SLC1A3: variants seen among roughly 807,000 people sequenced by gnomAD.
SLC1A3 encodes solute carrier family 1 member 3.
In SLC1A3, 21 loss-of-function variants were observed where a neutral mutation model predicts 48.1. The ratio of observed to expected loss-of-function variants is 0.44; its 90% CI spans 0.31 to 0.63. SLC1A3 has a LOEUF of 0.63. Ranked by LOEUF, SLC1A3 falls within the 20% of genes least tolerant of loss-of-function variation. The pLI, the probability that SLC1A3 is intolerant of heterozygous loss-of-function variation, is 0.08. For synonymous variants in SLC1A3, 239 were observed against 251.4 expected (o/e 0.95, Z 0.47); for missense variants, 546 against 689.0 (o/e 0.79, Z 2.32).
At chr5:36,645,078 T>C (rs1740780919) in intron 3 of SLC1A3, among the ~76,000 whole-genome samples, 1 of 152,220 alleles carries the variant, frequency 6.6e-6, no homozygotes, top group Non-Finnish European at 1.5e-5. Flanking sequence ...AAGTTCTGTG[T>C]AGGTCTTTTA....
At chr5:36,621,009 G>C (rs559581865) in intron 2 of SLC1A3, among the ~76,000 whole-genome samples, 1 of 151,894 alleles carries the variant, frequency 6.6e-6, no homozygotes, top group East Asian at 1.9e-4. Context: ...AGGTTCAAGC[G>C]ATTCTCCTGC....
intron 3 of SLC1A3, among the ~76,000 whole-genome samples, chr5:36,634,620 C>A (rs529061855): frequency 6.7e-6 from 1 of 149,032 alleles, no homozygotes; most frequent in African/African-American, 2.5e-5. Context: ...TCTAACAATA[C>A]TTTTTTTTTT....
intron 3 of SLC1A3, among the ~76,000 whole-genome samples, chr5:36,663,363 G>A (rs954932296): frequency 2.1e-5 from 3 of 143,546 alleles, no homozygotes; most frequent in Non-Finnish European, 4.5e-5. Context: ...TTACAGGCAT[G>A]CTCCACCACG....
intron 3 of SLC1A3, among the ~76,000 whole-genome samples, chr5:36,634,074 G>A (rs967765613): frequency 3.3e-5 from 5 of 152,024 alleles, no homozygotes; most frequent in African/African-American, 7.3e-5. Flanking sequence ...TCACATGTTC[G>A]AGACCAGCCT....
At chr5:36,644,350 G>A (rs910646364) in intron 3 of SLC1A3, among the ~76,000 whole-genome samples, 8 of 152,166 alleles carry the variant, frequency 5.3e-5, no homozygotes, top group South Asian at 4.1e-4. Flanking sequence ...AAATTCAAAT[G>A]TTAAGTCTTT....
chr5:36,621,570 C>T (rs991396273), intron 2 of SLC1A3, among the ~76,000 whole-genome samples: 3 of 152,070 alleles, frequency 2.0e-5, no homozygotes, highest in African/African-American at 7.2e-5. Flanking sequence ...AAGACTACTG[C>T]AATAGTCCAG....
At position 36,610,323 on chromosome 5, in the gene SLC1A3, C is replaced by T. The variant is rs546298491; in HGVS notation, c.181+1719C>T. ...TTGTCATTTAACTGCATGATTTACC[C>T]GGTTACCTCAAAAGAAAACTTACAG... On this transcript the variant is annotated intron_variant, in intron 2 of 9. Coordinates refer to ENST00000265113, the MANE Select transcript of SLC1A3 (RefSeq NM_004172.5). 5.3e-5 allele frequency among the ~76,000 whole-genome samples: 8 copies of T among 152,274 alleles called. No individual in the cohort carries two copies. In the East Asian group the frequency reaches 5.8e-4, roughly 11 times the overall value.
intron 3 of SLC1A3, chr5:36,636,464 T>TTTC (rs1166523659): frequency 6.6e-4 from 3 of 4,576 alleles, no homozygotes; most frequent in African/African-American, 1.8e-3. Flanking sequence ...CTTTCTTTCT[T>TTTC]TTCTTTCTTT....
chr5:36,658,824 C>G lies in SLC1A3; in HGVS notation c.320-12205C>G, dbSNP rs562858310. Reference sequence around the variant, plus strand: ...AATTATCCATGGTTGAGGTTTTTTTCTTTCTTCTTTGACTTAAGACATCCA... The same window carrying G: ...AATTATCCATGGTTGAGGTTTTTTTGTTTCTTCTTTGACTTAAGACATCCA... On this transcript the variant is annotated intron_variant, in intron 3 of 9. Coordinates refer to ENST00000265113, the MANE Select transcript of SLC1A3 (RefSeq NM_004172.5). 7.2e-5 allele frequency among the ~76,000 whole-genome samples: 11 copies of G among 152,192 alleles called. No individual in the cohort carries two copies. The South Asian group carries it at 2.3e-3, about 32-fold the overall frequency.
At chr5:36,631,080 A>G (rs1473367400) in intron 3 of SLC1A3, among the ~76,000 whole-genome samples, 1 of 152,250 alleles carries the variant, frequency 6.6e-6, no homozygotes, top group African/African-American at 2.4e-5. Flanking sequence ...TTTCTGTGGT[A>G]GAGCAGAGTC....
intron 2 of SLC1A3, among the ~76,000 whole-genome samples, chr5:36,619,403 G>T (rs1434610567): frequency 6.6e-6 from 1 of 152,210 alleles, no homozygotes; most frequent in African/African-American, 2.4e-5. Flanking sequence ...AACTCAGGGG[G>T]TTAAGGCAGG....
intron 5 of SLC1A3, among the ~76,000 whole-genome samples, chr5:36,676,006 G>A (rs1187300383): frequency 6.6e-6 from 1 of 152,068 alleles, no homozygotes; most frequent in African/African-American, 2.4e-5. Flanking sequence ...AATCACAGAG[G>A]GATGAGTTTA....
chr5:36,638,233 T>C (rs1348146849), intron 3 of SLC1A3, among the ~76,000 whole-genome samples: 1 of 152,188 alleles, frequency 6.6e-6, no homozygotes, highest in African/African-American at 2.4e-5. Flanking sequence ...ACTGTGTCTT[T>C]ATCTGGCACA....
intron 3 of SLC1A3, among the ~76,000 whole-genome samples, chr5:36,641,775 C>G (rs1174849676): frequency 1.3e-5 from 2 of 152,102 alleles, no homozygotes; most frequent in Non-Finnish European, 1.5e-5. Flanking sequence ...TCATAACATT[C>G]TTATGGGTAT....
rs115565994 is a variant in SLC1A3 at position 36,678,249 on chromosome 5, A to G, written c.860+1065A>G. Among the ~76,000 whole-genome samples the G allele has an allele frequency of 9.8e-3, 1,491 of 152,340 alleles. 33 individuals are homozygous for G. Among genetic ancestry groups the G allele is most frequent in the African/African-American group, 0.034 (1,427 of 41,580 alleles). ...GCCCAGAGAAATCCATTTTTCAGGAATTTGTACAAGATGGATATGAACTTG... is the reference window on the plus strand; with the variant it reads ...GCCCAGAGAAATCCATTTTTCAGGAGTTTGTACAAGATGGATATGAACTTG... On this transcript the variant is annotated intron_variant, in intron 6 of 9. Coordinates refer to ENST00000265113, the MANE Select transcript of SLC1A3 (RefSeq NM_004172.5).
At chr5:36,667,724 A>T (rs1034050565) in intron 3 of SLC1A3, 1 of 152,214 alleles carries the variant, frequency 6.6e-6, no homozygotes, top group Non-Finnish European at 1.5e-5. Context: ...AATGTACAAA[A>T]CACACACACA....
intron 3 of SLC1A3, among the ~76,000 whole-genome samples, chr5:36,650,671 T>C (rs1391563698): frequency 1.3e-5 from 2 of 152,204 alleles, no homozygotes; most frequent in East Asian, 1.9e-4. Context: ...CCCCAAACCA[T>C]TGGTTTTCAG....
intron 2 of SLC1A3, among the ~76,000 whole-genome samples, chr5:36,609,482 A>G (rs1215950419): frequency 6.6e-6 from 1 of 152,250 alleles, no homozygotes; most frequent in Admixed American, 6.5e-5. Context: ...AAAAAGAGGC[A>G]TTCAGTACCG....
intron 7 of SLC1A3, 112 bp downstream of exon 7, chr5:36,679,972 T>C: frequency 1.3e-6 from 1 of 758,862 alleles, no homozygotes; most frequent in Non-Finnish European, 2.3e-6. Flanking sequence ...CCAAGAATGA[T>C]GAGTTAGCTT....
Sources: allele counts gnomAD v4.1 joint callset (sites outside exome capture counted in the v4.1 genomes callset), GRCh38; gene constraint gnomAD v4.1.1; transcripts MANE v1.5; gene names NCBI Gene and HGNC (gene_info 2026-07-23, HGNC 2026-07-21).